Variants in KIAA1217 observed in about 807,000 individuals in gnomAD.
KIAA1217 encodes the protein KIAA1217.
In KIAA1217, 88 loss-of-function variants were observed where a neutral mutation model predicts 163.9. That is an observed-to-expected ratio of 0.54 (90% CI 0.45 to 0.64). The LOEUF (loss-of-function observed/expected upper bound fraction) is 0.64, where lower values mean the gene tolerates loss of function less well. KIAA1217 is among the 30% of genes least tolerant of loss of function. The pLI, the probability that KIAA1217 is intolerant of heterozygous loss-of-function variation, is 0.00. For missense variants in KIAA1217, 2,372 were observed against 2,475.0 expected, an observed-to-expected ratio of 0.96 and a Z score of 0.88; for synonymous variants, 903 against 923.1, an observed-to-expected ratio of 0.98 and a Z score of 0.39.
At chr10:23,897,336 A>G (rs1370557985) in intron 1 of KIAA1217, among the ~76,000 whole-genome samples, 1 of 152,094 alleles carries the variant, frequency 6.6e-6, no homozygotes, top group Non-Finnish European at 1.5e-5. Context: ...GTTGTCTGGC[A>G]TCATTGGAAT....
At chr10:24,164,108 T>C (rs1480611659) in intron 2 of KIAA1217, among the ~76,000 whole-genome samples, 2 of 152,226 alleles carry the variant, frequency 1.3e-5, no homozygotes, top group Non-Finnish European at 2.9e-5. Context: ...CAGTGAACTC[T>C]TCATCTCCTG....
chr10:24,438,510 T>C (rs1331394444), intron 5 of KIAA1217, 31 bp downstream of exon 5: 2 of 1,440,490 alleles, frequency 1.4e-6, no homozygotes, highest in East Asian at 4.5e-5. Context: ...TTTACTTATC[T>C]TCAGTGGGTC....
Position 23,755,291 on chromosome 10 carries a change from A to G in KIAA1217, c.-321+60057A>G, listed in dbSNP as rs180827906. ...AGGAACATGAATCTGTAGGGAGAGGAAAAACATTTCTAATATATACGACAG... is the reference window on the plus strand; with the variant it reads ...AGGAACATGAATCTGTAGGGAGAGGGAAAACATTTCTAATATATACGACAG... On this transcript the variant is annotated intron_variant, in intron 1 of 18. Coordinates refer to the KIAA1217 transcript ENST00000376462. 2.0e-3 allele frequency among the ~76,000 whole-genome samples: 309 copies of G among 152,328 alleles called. 2 individuals carry two copies. The highest frequency in any genetic ancestry group is 7.2e-3 in the African/African-American group (299 of 41,576).
At chr10:24,484,239 ATATTTTT>A (rs2065077538) in intron 6 of KIAA1217, among the ~76,000 whole-genome samples, 1 of 86,198 alleles carries the variant, frequency 1.2e-5, no homozygotes, top group Non-Finnish European at 2.3e-5. Context: ...ATATATATAT[ATATTTTT>A]TTTTTTTTTT....
chr10:23,972,923 C>T (rs1282029640), intron 1 of KIAA1217, among the ~76,000 whole-genome samples: 1 of 151,930 alleles, frequency 6.6e-6, no homozygotes, highest in African/African-American at 2.4e-5. Flanking sequence ...CACATGGACA[C>T]AGGGAGTGGA....
intron 8 of KIAA1217, among the ~76,000 whole-genome samples, chr10:24,496,217 G>C (rs901420831): frequency 6.6e-6 from 1 of 152,244 alleles, no homozygotes; most frequent in Non-Finnish European, 1.5e-5. Context: ...GCACAATTTA[G>C]CTACAAAGCC....
intron 2 of KIAA1217, among the ~76,000 whole-genome samples, chr10:24,312,579 AC>A (rs1255706530): frequency 6.6e-6 from 1 of 152,162 alleles, no homozygotes; most frequent in African/African-American, 2.4e-5. Context: ...GGATTGTGCC[AC>A]TGCACTCCAG....
chr10:24,268,095 T>C (rs1473668208), intron 2 of KIAA1217, among the ~76,000 whole-genome samples: 1 of 152,068 alleles, frequency 6.6e-6, no homozygotes, highest in African/African-American at 2.4e-5. Flanking sequence ...GGCACTATTT[T>C]AAAAAACACA....
chr10:24,057,871 A>G (rs1478133309), intron 2 of KIAA1217, among the ~76,000 whole-genome samples: 1 of 152,144 alleles, frequency 6.6e-6, no homozygotes, highest in African/African-American at 2.4e-5. Flanking sequence ...CTCCATTAAT[A>G]GCCTCCTTTG....
At chr10:24,061,266 A>G (rs1310497753) in intron 2 of KIAA1217, among the ~76,000 whole-genome samples, 1 of 151,946 alleles carries the variant, frequency 6.6e-6, no homozygotes, top group Admixed American at 6.6e-5. Context: ...ATCACACATA[A>G]GACCTCTACA....
chr10:24,050,529 C>A (rs949075301), intron 2 of KIAA1217, among the ~76,000 whole-genome samples: 2 of 152,050 alleles, frequency 1.3e-5, no homozygotes, highest in African/African-American at 4.8e-5. Flanking sequence ...ATATGGCTAG[C>A]CAGTTTTCCC....
chr10:24,206,051 A>G (rs570063061), upstream of KIAA1217, among the ~76,000 whole-genome samples: 2 of 152,136 alleles, frequency 1.3e-5, no homozygotes, highest in African/African-American at 4.8e-5. Flanking sequence ...CATTTGTTTT[A>G]TGTGGTAGCT....
intron 2 of KIAA1217, among the ~76,000 whole-genome samples, chr10:24,135,225 C>T (rs1303712028): frequency 6.6e-6 from 1 of 152,168 alleles, no homozygotes; most frequent in East Asian, 1.9e-4. Context: ...CAGCGGGCTG[C>T]CACACCAGTG....
intron 2 of KIAA1217, among the ~76,000 whole-genome samples, chr10:24,263,591 G>A (rs190967183): frequency 1.9e-4 from 29 of 152,244 alleles, no homozygotes; most frequent in Admixed American, 1.3e-3. Context: ...GCAGCCAAAG[G>A]TATATTATCT....
rs74230816 is a variant in KIAA1217 at position 24,286,322 on chromosome 10, T to C, written c.354+66413T>C. Among the ~76,000 whole-genome samples the C allele has an allele frequency of 9.5e-3, 1,447 of 152,258 alleles. 29 individuals carry two copies. Among genetic ancestry groups the C allele is most frequent in the East Asian group, 0.084 (437 of 5,186 alleles). The stretch of plus-strand genomic sequence containing the variant: ...GTATTTTGAGAGACCTTAAATGTGA[T>C]CATCAACTTCTTAACTTCATAGATT... On this transcript the variant is annotated intron_variant, in intron 2 of 20. Coordinates refer to ENST00000376454, the MANE Select transcript of KIAA1217 (RefSeq NM_019590.5).
intron 2 of KIAA1217, among the ~76,000 whole-genome samples, chr10:24,047,664 A>G (rs1849136532): frequency 6.6e-6 from 1 of 152,208 alleles, no homozygotes; most frequent in Non-Finnish European, 1.5e-5. Context: ...CTTTATGTTT[A>G]AGGAGTAAAC....
At chr10:23,864,507 C>T (rs541967406) in intron 1 of KIAA1217, among the ~76,000 whole-genome samples, 3 of 121,970 alleles carry the variant, frequency 2.5e-5, no homozygotes, top group African/African-American at 6.0e-5. Flanking sequence ...TTCTCCTCTT[C>T]CTCAGTACAC....
chr10:24,041,943 C>CGTGT (rs147819815), intron 2 of KIAA1217, among the ~76,000 whole-genome samples: 30 of 149,512 alleles, frequency 2.0e-4, no homozygotes, highest in South Asian at 6.4e-4. Context: ...AAGGGAGTAT[C>CGTGT]GTGTGTGTGT....
chr10:23,902,729 ATTAAG>A (rs1358793963), intron 1 of KIAA1217, among the ~76,000 whole-genome samples: 1 of 152,112 alleles, frequency 6.6e-6, no homozygotes, highest in Admixed American at 6.6e-5. Flanking sequence ...TTGATGTGCA[ATTAAG>A]TTAAGCAAGG....
Sources: gnomAD v4.1 joint callset for allele counts (sites outside exome capture counted in the v4.1 genomes callset) on GRCh38, gnomAD v4.1.1 for gene constraint, MANE v1.5 for transcripts, NCBI Gene and HGNC (gene_info 2026-07-23, HGNC 2026-07-21) for gene names.